RNF144A: variants seen among roughly 807,000 people sequenced by gnomAD.
RNF144A encodes E3 ubiquitin-protein ligase RNF144A.
RNF144A carries 11 observed loss-of-function variants against 38.7 expected under a neutral mutation model. The observed-to-expected ratio is 0.28, with a 90% confidence interval of 0.18 to 0.47. The LOEUF is 0.47. Ranked by LOEUF, RNF144A falls within the 20% of genes least tolerant of loss-of-function variation. The pLI, the probability that RNF144A is intolerant of heterozygous loss-of-function variation, is 0.99. For missense variants in RNF144A, 316 were observed against 377.2 expected (o/e 0.84, Z 1.34); for synonymous variants, 149 against 143.9 (o/e 1.04, Z -0.25).
chr2:7,029,235 G>A (rs1672117161), intron 7 of RNF144A, among the ~76,000 whole-genome samples: 1 of 152,256 alleles, frequency 6.6e-6, no homozygotes, highest in African/African-American at 2.4e-5. Flanking sequence ...GGCACCATGT[G>A]CCTCGTCATT....
At chr2:6,996,686 G>A (rs1269271488) in intron 2 of RNF144A, 10 of 485,330 alleles carry the variant, frequency 2.1e-5, no homozygotes, top group Admixed American at 6.4e-5. Context: ...CCCATGAGGC[G>A]GAGGTTGCAG....
At chr2:6,921,831 A>G (rs1032776378) in intron 1 of RNF144A, among the ~76,000 whole-genome samples, 6 of 152,174 alleles carry the variant, frequency 3.9e-5, no homozygotes, top group South Asian at 4.1e-4. Flanking sequence ...TAGGCAAATT[A>G]AGAGGGACAA....
chr2:6,923,307 A>G (rs1224347716), intron 1 of RNF144A, among the ~76,000 whole-genome samples: 1 of 151,762 alleles, frequency 6.6e-6, no homozygotes, highest in Non-Finnish European at 1.5e-5. Context: ...ATCAATGCAC[A>G]CCTTTTTTTT....
chr2:6,956,987 C>T (rs1287131340), intron 2 of RNF144A, among the ~76,000 whole-genome samples: 1 of 152,226 alleles, frequency 6.6e-6, no homozygotes, highest in Non-Finnish European at 1.5e-5. Context: ...AGTCTGGACT[C>T]TTCCTGAACG....
At chr2:7,034,648 C>T (rs1327964356) in intron 8 of RNF144A, among the ~76,000 whole-genome samples, 4 of 152,158 alleles carry the variant, frequency 2.6e-5, no homozygotes, top group Non-Finnish European at 4.4e-5. Flanking sequence ...CTCATAAGAT[C>T]GCAAGGCAGG....
intron 2 of RNF144A, among the ~76,000 whole-genome samples, chr2:6,992,503 C>T (rs145557789): frequency 6.6e-6 from 1 of 152,002 alleles, no homozygotes; most frequent in Admixed American, 6.6e-5. Context: ...GTGTGGAGAA[C>T]GGGTAAGGAA....
intron 2 of RNF144A, chr2:6,978,918 G>T (rs1220699263): frequency 6.5e-6 from 1 of 152,742 alleles, no homozygotes; most frequent in African/African-American, 2.4e-5. Context: ...CTGGATGGGT[G>T]AGGATTGGCA....
At chr2:6,955,391 A>T (rs1239999656) in intron 2 of RNF144A, among the ~76,000 whole-genome samples, 1 of 152,140 alleles carries the variant, frequency 6.6e-6, no homozygotes, top group Non-Finnish European at 1.5e-5. Flanking sequence ...AACCCACAAG[A>T]ACATCCTTTA....
chr2:6,926,965 G>C (rs1024804120), intron 1 of RNF144A, among the ~76,000 whole-genome samples: 3 of 152,168 alleles, frequency 2.0e-5, no homozygotes, highest in Non-Finnish European at 4.4e-5. Context: ...AAACAAGGGA[G>C]AGTTTACCGT....
At chr2:6,932,699 A>G (rs1199981643) in intron 1 of RNF144A, among the ~76,000 whole-genome samples, 2 of 152,180 alleles carry the variant, frequency 1.3e-5, no homozygotes, top group Non-Finnish European at 2.9e-5. Context: ...ACTCAGCTTC[A>G]TTTTTATGAG....
downstream of RNF144A, among the ~76,000 whole-genome samples, chr2:7,047,533 G>A (rs964700788): frequency 6.6e-6 from 1 of 152,188 alleles, no homozygotes; most frequent in Admixed American, 6.5e-5. Context: ...CGAGAATAGC[G>A]CAGGAAAGAC....
At chr2:6,967,366 G>A (rs540680444) in intron 2 of RNF144A, among the ~76,000 whole-genome samples, 4 of 152,362 alleles carry the variant, frequency 2.6e-5, no homozygotes, top group Non-Finnish European at 4.4e-5. Flanking sequence ...CCCTTGGGGC[G>A]TGTGAGCACC....
At chr2:7,028,189 G>C (rs942503107) in intron 7 of RNF144A, among the ~76,000 whole-genome samples, 1 of 152,214 alleles carries the variant, frequency 6.6e-6, no homozygotes, top group African/African-American at 2.4e-5. Flanking sequence ...GAGTGAGTTT[G>C]TTCACCAGAG....
intron 2 of RNF144A, among the ~76,000 whole-genome samples, chr2:6,995,912 T>G (rs564674397): frequency 9.9e-5 from 15 of 152,282 alleles, no homozygotes; most frequent in Admixed American, 9.2e-4. Flanking sequence ...ACTTGCTGTG[T>G]GCGGCCGACC....
In RNF144A at chr2:7,035,091, A is replaced by C. The variant is rs757103170; in HGVS notation, c.748-4538A>C. Among the ~76,000 whole-genome samples the C allele has an allele frequency of 6.4e-4, 97 of 152,336 alleles. 1 individual carries two copies. The highest frequency in any genetic ancestry group is 3.4e-3 in the Middle Eastern group (1 of 294). ...TCATCTCTGCAAAGCAGAATCTGCC[A>C]GCCTTGTGGCCTCAGAGGAGCCCGC... is the stretch of plus-strand genomic sequence containing the variant. On this transcript the variant is annotated intron_variant, in intron 8 of 8. Coordinates refer to ENST00000320892, the MANE Select transcript of RNF144A (RefSeq NM_014746.6).
chr2:6,968,413 G>A (rs941747516), intron 2 of RNF144A, among the ~76,000 whole-genome samples: 2 of 152,254 alleles, frequency 1.3e-5, no homozygotes, highest in African/African-American at 4.8e-5. Context: ...GACTCCTAGT[G>A]GGTGCAGCTG....
chr2:7,053,353 A>C (rs1212376443), intron 6 of RNF144A, among the ~76,000 whole-genome samples: 1 of 152,260 alleles, frequency 6.6e-6, no homozygotes, highest in African/African-American at 2.4e-5. Flanking sequence ...GAAAAAATGT[A>C]GTACCTTTAA....
intron 3 of RNF144A, 81 bp downstream of exon 3, chr2:6,997,142 AC>A (rs1669802393): frequency 6.5e-6 from 9 of 1,382,826 alleles, no homozygotes; most frequent in Non-Finnish European, 9.2e-6. Context: ...CACTAGGCAA[AC>A]CTTTGGACTA....
chr2:6,923,400 C>T (rs1477742230), intron 1 of RNF144A, among the ~76,000 whole-genome samples: 5 of 152,198 alleles, frequency 3.3e-5, no homozygotes, highest in East Asian at 1.9e-4. Flanking sequence ...CAGCCACGCT[C>T]GTTGCCCAAG....
Sources: allele counts gnomAD v4.1 joint callset (sites outside exome capture counted in the v4.1 genomes callset), GRCh38; gene constraint gnomAD v4.1.1; transcripts MANE v1.5; gene names NCBI Gene and HGNC (gene_info 2026-07-23, HGNC 2026-07-21).